IL17RC: variants seen among roughly 807,000 people sequenced by gnomAD.
IL17RC encodes the protein interleukin 17 receptor C, also known as interleukin-17 receptor C.
IL17RC carries 53 observed loss-of-function variants against 86.7 expected under a neutral mutation model. The ratio of observed to expected loss-of-function variants is 0.61; its 90% CI spans 0.49 to 0.77. The LOEUF is 0.77. IL17RC is among the 30% of genes least tolerant of loss of function. The pLI is 0.00. For synonymous variants in IL17RC, 439 were observed against 413.1 expected (o/e 1.06, Z -0.76); for missense variants, 957 against 940.0 (o/e 1.02, Z -0.24).
chr3:9,924,406 G>T (rs1320646715), intron 9 of IL17RC, 115 bp downstream of exon 9: 7 of 1,072,016 alleles, frequency 6.5e-6, no homozygotes, highest in Middle Eastern at 2.6e-4. Flanking sequence ...TGGAGACTGT[G>T]GCTCCCTGGG....
At chr3:9,931,892 A>G (rs1028330056) in intron 16 of IL17RC, among the ~76,000 whole-genome samples, 47 of 150,932 alleles carry the variant, frequency 3.1e-4, no homozygotes, top group African/African-American at 1.1e-3. Flanking sequence ...AAAAAAAGAC[A>G]GGGCAGGGAC....
chr3:9,920,959 G>C lies in IL17RC; in HGVS notation c.612G>C (p.Pro204=). Residue 204 remains proline (P), a synonymous_variant, in exon 7 of 19, where the codon CCG becomes CCC. Transcript: ENST00000403601. ...GGCTCGAAGTCTGGAACAGCATCCCGAGCTGCTGGGGTAGGGGCTAGGGCC... is the reference window on the plus strand; with the variant it reads ...GGCTCGAAGTCTGGAACAGCATCCCCAGCTGCTGGGGTAGGGGCTAGGGCC... ...CRGLEVWNSI[P]SCWALPWLNV... The C allele has an allele frequency of 6.3e-7, 1 of 1,595,678 alleles. No homozygotes were observed. Among genetic ancestry groups the C allele is most frequent in the South Asian group, 1.1e-5 (1 of 87,700 alleles).
chr3:9,932,890 G>A (rs1232391610), intron 18 of IL17RC, 32 bp downstream of exon 18: 1 of 1,590,884 alleles, frequency 6.3e-7, no homozygotes, highest in South Asian at 1.1e-5. Context: ...GCGGAGGGCC[G>A]CCCCCGGGGA....
In IL17RC at chr3:9,930,188, A is replaced by G; in HGVS notation, c.1278+39A>G. The G allele has an allele frequency of 1.2e-6, 2 of 1,610,006 alleles. No individual in the cohort carries two copies. Among genetic ancestry groups the G allele is most frequent in the Non-Finnish European group, 1.7e-6 (2 of 1,177,226 alleles). ...GACCCTCCTCCACAGATCTCTCCAAATGCATCTCACATCTGGCCTCAAATT... is the reference window on the plus strand; with the variant it reads ...GACCCTCCTCCACAGATCTCTCCAAGTGCATCTCACATCTGGCCTCAAATT... On this transcript the variant is annotated intron_variant, in intron 14 of 18. Coordinates refer to ENST00000403601, the MANE Select transcript of IL17RC (RefSeq NM_153460.4). The surrounding 1 kb of genome is among the most constrained non-coding windows in gnomAD (Gnocchi z 5.8).
chr3:9,917,528 G>A, intron 1 of IL17RC, 108 bp downstream of exon 1: 5 of 1,614,144 alleles, frequency 3.1e-6, no homozygotes, highest in South Asian at 2.2e-5. Flanking sequence ...GAACTGCCCT[G>A]TCTGGTCTGT....
intron 16 of IL17RC, among the ~76,000 whole-genome samples, chr3:9,931,468 C>T (rs79364609): frequency 0.21 from 3,351 of 15,618 alleles, 89 homozygotes; most frequent in East Asian, 0.36. Flanking sequence ...CACACACACA[C>T]ACATATATAT....
intron 1 of IL17RC, 57 bp downstream of exon 1, chr3:9,917,477 G>T: frequency 6.2e-7 from 1 of 1,614,238 alleles, no homozygotes; most frequent in Non-Finnish European, 8.5e-7. Flanking sequence ...TTTTGGCTCA[G>T]CAAAGCCTTA....
At chr3:9,924,364 G>A (rs879640676) in intron 9 of IL17RC, 73 bp downstream of exon 9, 16 of 1,462,698 alleles carry the variant, frequency 1.1e-5, no homozygotes, top group Non-Finnish European at 1.5e-5. Context: ...CTGCCTTCCT[G>A]GTCTCACCAT....
chr3:9,928,772 C>G (rs965525704), intron 12 of IL17RC, 142 bp downstream of exon 12: 1 of 816,608 alleles, frequency 1.2e-6, no homozygotes, highest in Non-Finnish European at 2.0e-6. Flanking sequence ...TTTAGTAGTG[C>G]GCGGGACCCT....
At position 9,932,965 on chromosome 3, in the gene IL17RC, G is replaced by T. The variant is rs1379745130; in HGVS notation, c.1535G>T (p.Gly512Val). The T allele has an allele frequency of 3.1e-6, 5 of 1,606,530 alleles. No homozygotes were observed. The highest frequency in any genetic ancestry group is 4.2e-6 in the Non-Finnish European group (5 of 1,178,064). Residue 512 changes from glycine to valine, a missense_variant, in exon 19 of 19, where the codon GGC (glycine) becomes GTC (valine). Transcript: ENST00000403601. ...QDVRSGAAAR[G>V]RAALLLYSAD... ...TTTTCTCCGGCAGCGGCCGCCAGGG[G>T]CCGCGCGGCTCTGCTCCTCTACTCA...
intron 12 of IL17RC, 94 bp downstream of exon 12, chr3:9,928,724 T>A: frequency 1.5e-6 from 2 of 1,331,700 alleles, no homozygotes; most frequent in Non-Finnish European, 2.1e-6. Context: ...TAAAGCATAG[T>A]GGTTGCCAGC....
chr3:9,921,448 C>T (rs2083539429), intron 7 of IL17RC, among the ~76,000 whole-genome samples: 3 of 135,200 alleles, frequency 2.2e-5, no homozygotes. Context: ...GAGCAAGACT[C>T]CGTCTCAAAA....
chr3:9,922,115 G>A (rs1575545368), intron 7 of IL17RC, among the ~76,000 whole-genome samples: 2 of 151,826 alleles, frequency 1.3e-5, no homozygotes. Context: ...ACCACGCACA[G>A]CTAATTTTTG....
In IL17RC at chr3:9,920,552, A is replaced by T; in HGVS notation, c.527A>T (p.Tyr176Phe). 6.2e-7 allele frequency: 1 copy of T among 1,608,910 alleles called. No homozygotes were observed. Among genetic ancestry groups the T allele is most frequent in the Non-Finnish European group, 8.5e-7 (1 of 1,177,194 alleles). The part of the protein sequence containing the change: ...ALGSEVRIWS[Y>F]TQPRYEKELN... ...GGGAGTGAGGTACGAATCTGGTCCTATACTCAGCCCAGGTACGAGAAGGAA... is the reference window on the plus strand; with the variant it reads ...GGGAGTGAGGTACGAATCTGGTCCTTTACTCAGCCCAGGTACGAGAAGGAA... Residue 176 changes from tyrosine to phenylalanine, a missense_variant, in exon 6 of 19, where the codon TAT becomes TTT. By Grantham distance (22) the Tyr-to-Phe change is conservative. Transcript: ENST00000403601.
intron 5 of IL17RC, 48 bp from the exon 6 acceptor site, chr3:9,920,443 G>C: frequency 8.3e-7 from 1 of 1,209,838 alleles, no homozygotes; most frequent in Non-Finnish European, 1.2e-6. Context: ...CCCTTGGCCT[G>C]GATTCTGAGC....
At chr3:9,928,529 G>A (rs2084330641) in intron 11 of IL17RC, 43 bp downstream of exon 11, 2 of 1,613,716 alleles carry the variant, frequency 1.2e-6, no homozygotes, top group South Asian at 1.1e-5. Flanking sequence ...GGGGAGAGTG[G>A]GGAACCGGGG....
At position 9,929,741 on chromosome 3, in the gene IL17RC, T is replaced by A. The variant is rs2084474378; in HGVS notation, c.1111-111T>A. The A allele has an allele frequency of 7.3e-6, 8 of 1,095,138 alleles. No individual in the cohort carries two copies. In the Middle Eastern group the frequency reaches 7.0e-4, roughly 96 times the overall value. The allele number at this position is 1,095,138 out of a possible 1,614,324, so 67.8% of individuals were successfully genotyped here. ...AATCCACATCTGCCTCAGGTCAGAT[T>A]GAGTGCAGATTCCCAACCCAACAGG... On this transcript the variant is annotated intron_variant, in intron 12 of 18. Transcript: ENST00000403601.
At chr3:9,929,654 A>G in intron 12 of IL17RC, 198 bp from the exon 13 acceptor site, 1 of 673,638 alleles carries the variant, frequency 1.5e-6, no homozygotes, top group Non-Finnish European at 2.7e-6. Flanking sequence ...GACGCTTTAT[A>G]CAGATGATCT....
chr3:9,917,275 G>C lies in IL17RC; in HGVS notation c.-41G>C. ...TGTCTGCCCCCCTTGGGGGGGGGCA[G>C]CACAGGGCCTCAGGCCTGGGTGCCA... On this transcript the variant is annotated 5_prime_UTR_variant, in exon 1 of 19. Transcript: ENST00000403601. 1 of 1,521,756 alleles carries C rather than the reference G, an allele frequency of 6.6e-7. No individual in the cohort carries two copies. The highest frequency in any genetic ancestry group is 9.0e-7 in the Non-Finnish European group (1 of 1,112,782). The allele number at this position is 1,521,756 out of a possible 1,614,324, so 94.3% of individuals were successfully genotyped here. A position where few individuals can be genotyped will look rare whatever the true frequency, so the allele number is the denominator to read the frequency against.
Sources: allele counts gnomAD v4.1 joint callset (sites outside exome capture counted in the v4.1 genomes callset), GRCh38; gene constraint gnomAD v4.1.1; non-coding constraint Gnocchi (gnomAD v3.1); transcripts MANE v1.5; gene names NCBI Gene and HGNC (gene_info 2026-07-23, HGNC 2026-07-21).